The following GALNT13 variants were observed in gnomAD, a reference collection of about 807,000 sequenced individuals.
GALNT13 encodes polypeptide N-acetylgalactosaminyltransferase 13.
Under a neutral mutation model 64.2 loss-of-function variants are expected in GALNT13, and 28 were observed. The observed-to-expected ratio is 0.44, with a 90% CI of 0.32 to 0.60. The LOEUF is 0.60. Ranked by LOEUF, GALNT13 falls within the 20% of genes least tolerant of loss-of-function variation. GALNT13 has a pLI of 0.05. For synonymous variants in GALNT13, 214 were observed against 224.6 expected (o/e 0.95, Z 0.42); for missense variants, 577 against 669.8 (o/e 0.86, Z 1.53).
chr2:153,620,055 C>T, the GALNT13 span, among the ~76,000 whole-genome samples: 1 of 152,176 alleles, frequency 6.6e-6, no homozygotes, highest in African/African-American at 2.4e-5. Context: ...GTATCTTTCT[C>T]TATCTCTTCT....
At chr2:153,856,506 G>A in the GALNT13 span, among the ~76,000 whole-genome samples, 2 of 152,160 alleles carry the variant, frequency 1.3e-5, no homozygotes, top group South Asian at 4.1e-4. Context: ...TTATCCAAAT[G>A]TTTCAATAAG....
chr2:153,366,972 C>A, the GALNT13 span, among the ~76,000 whole-genome samples: 1 of 150,744 alleles, frequency 6.6e-6, no homozygotes, highest in Non-Finnish European at 1.5e-5. Flanking sequence ...GAATTTTATA[C>A]CTACTGAACA....
the GALNT13 span, among the ~76,000 whole-genome samples, chr2:153,795,255 G>A: frequency 2.0e-5 from 3 of 152,100 alleles, no homozygotes; most frequent in Non-Finnish European, 1.5e-5. Flanking sequence ...CATTTAGTTT[G>A]ATTGGAAATC....
At chr2:153,445,685 A>AT in the GALNT13 span, among the ~76,000 whole-genome samples, 1 of 152,042 alleles carries the variant, frequency 6.6e-6, no homozygotes, top group African/African-American at 2.4e-5. Flanking sequence ...TCCTATAGTG[A>AT]TTTTTTAATA....
chr2:154,318,137 G>A (rs749371779), intron 9 of GALNT13, among the ~76,000 whole-genome samples: 1 of 151,996 alleles, frequency 6.6e-6, no homozygotes, highest in Non-Finnish European at 1.5e-5. Context: ...TTTTGGAAAT[G>A]TATTTGCTCT....
chr2:153,187,131 T>C, the GALNT13 span, among the ~76,000 whole-genome samples: 505 of 152,366 alleles, frequency 3.3e-3, no homozygotes, highest in African/African-American at 0.012. Context: ...ATAGCTTCAC[T>C]GCTGAATTCT....
At chr2:153,528,751 A>G in the GALNT13 span, among the ~76,000 whole-genome samples, 1 of 152,044 alleles carries the variant, frequency 6.6e-6, no homozygotes, top group African/African-American at 2.4e-5. Context: ...ATAAAACTAG[A>G]AATCAGTAAC....
chr2:154,129,665 CATCTTTATATTT>C (rs1484233880), intron 3 of GALNT13, among the ~76,000 whole-genome samples: 2 of 151,892 alleles, frequency 1.3e-5, no homozygotes, highest in Non-Finnish European at 2.9e-5. Flanking sequence ...AGATACACAT[CATCTTTATATTT>C]ATCTTTATAT....
chr2:154,087,840 A>G (rs1574477621), intron 3 of GALNT13, among the ~76,000 whole-genome samples: 1 of 141,794 alleles, frequency 7.1e-6, no homozygotes. Flanking sequence ...ACAACTATTC[A>G]TATTTCTCTC....
the GALNT13 span, among the ~76,000 whole-genome samples, chr2:153,498,523 C>T: frequency 6.6e-6 from 1 of 152,212 alleles, no homozygotes; most frequent in Non-Finnish European, 1.5e-5. Context: ...GTGGGGCGGG[C>T]AGCTACAGGT....
chr2:153,328,725 A>T, the GALNT13 span, among the ~76,000 whole-genome samples: 4 of 152,142 alleles, frequency 2.6e-5, no homozygotes, highest in Admixed American at 1.3e-4. Flanking sequence ...AAGCTGGTGG[A>T]TCTTAGCATG....
intron 7 of GALNT13, among the ~76,000 whole-genome samples, chr2:154,248,961 C>T (rs1414146998): frequency 1.3e-5 from 2 of 152,184 alleles, no homozygotes; most frequent in South Asian, 2.1e-4. Context: ...AAAGTTTTGA[C>T]CCTGGTCTTA....
intron 10 of GALNT13, among the ~76,000 whole-genome samples, chr2:154,400,924 GC>G (rs1699272995): frequency 1.5e-5 from 2 of 135,888 alleles, no homozygotes; most frequent in Admixed American, 1.4e-4. Flanking sequence ...GTTATGACAG[GC>G]TTTCTGAAAA....
the GALNT13 span, among the ~76,000 whole-genome samples, chr2:153,687,114 G>C: frequency 2.0e-5 from 3 of 151,782 alleles, no homozygotes; most frequent in African/African-American, 7.3e-5. Flanking sequence ...TTTTGTGTGT[G>C]TGTGTCTCTG....
At chr2:154,263,853 A>G (rs1257556918) in intron 8 of GALNT13, among the ~76,000 whole-genome samples, 1 of 152,220 alleles carries the variant, frequency 6.6e-6, no homozygotes, top group Non-Finnish European at 1.5e-5. Context: ...TGAATAAATT[A>G]AAAAATGGAC....
the GALNT13 span, among the ~76,000 whole-genome samples, chr2:153,414,391 A>T: frequency 2.0e-5 from 3 of 151,808 alleles, no homozygotes; most frequent in East Asian, 1.9e-4. Flanking sequence ...AAAAATAAAA[A>T]AAAAATAAAA....
At chr2:153,610,056 G>GAGC in the GALNT13 span, among the ~76,000 whole-genome samples, 2 of 152,112 alleles carry the variant, frequency 1.3e-5, no homozygotes, top group African/African-American at 4.8e-5. Flanking sequence ...ACTGGCTGTT[G>GAGC]ACTGCTAGAA....
the GALNT13 span, among the ~76,000 whole-genome samples, chr2:153,535,419 G>A: frequency 6.6e-6 from 1 of 152,276 alleles, no homozygotes; most frequent in South Asian, 2.1e-4. Flanking sequence ...GTGATGGCTT[G>A]GAAAAACAGT....
the GALNT13 span, among the ~76,000 whole-genome samples, chr2:153,072,713 A>G: frequency 6.6e-6 from 1 of 152,180 alleles, no homozygotes; most frequent in African/African-American, 2.4e-5. Flanking sequence ...ATAAAATGAC[A>G]TTAAATATAC....
Sources: allele counts gnomAD v4.1 joint callset (sites outside exome capture counted in the v4.1 genomes callset), GRCh38; gene constraint gnomAD v4.1.1; transcripts MANE v1.5; gene names NCBI Gene and HGNC (gene_info 2026-07-23, HGNC 2026-07-21).